The following SH3GL2 variants were observed in gnomAD, a reference collection of about 807,000 sequenced individuals.
SH3GL2 encodes the protein endophilin-A1.
Under a neutral mutation model 46.0 loss-of-function variants are expected in SH3GL2, and 24 were observed. The ratio of observed to expected loss-of-function variants is 0.52; its 90% CI spans 0.38 to 0.73. The LOEUF is 0.73. SH3GL2 is among the 30% of genes least tolerant of loss of function. The pLI, the probability that SH3GL2 is intolerant of heterozygous loss-of-function variation, is 0.00. For synonymous variants in SH3GL2, 196 were observed against 147.1 expected, an observed-to-expected ratio of 1.33 and a Z score of -2.40; for missense variants, 413 against 424.2, an observed-to-expected ratio of 0.97 and a Z score of 0.23.
chr9:17,643,346 G>A (rs1286370287), intron 1 of SH3GL2, among the ~76,000 whole-genome samples: 2 of 152,004 alleles, frequency 1.3e-5, no homozygotes, highest in African/African-American at 2.4e-5. Context: ...AATAGTTTGA[G>A]TTCTTCTCTT....
chr9:17,624,590 G>C lies in SH3GL2; in HGVS notation c.45+45303G>C, dbSNP rs182391613. On this transcript the variant is annotated intron_variant, in intron 1 of 8. Transcript: ENST00000380607. ...TTCCGTTGGTTCATAATTTACCACTGTACTCAATTTGAGCCCTCAATCAAA... is the reference window on the plus strand; with the variant it reads ...TTCCGTTGGTTCATAATTTACCACTCTACTCAATTTGAGCCCTCAATCAAA... 4.5e-4 allele frequency among the ~76,000 whole-genome samples: 69 copies of C among 152,260 alleles called. No homozygotes were observed. In the East Asian group the frequency reaches 0.012, roughly 27 times the overall value.
intron 1 of SH3GL2, among the ~76,000 whole-genome samples, chr9:17,697,223 A>G (rs562620912): frequency 1.4e-5 from 2 of 147,550 alleles, no homozygotes; most frequent in African/African-American, 5.0e-5. Context: ...GCTCAAATGC[A>G]TTTCTTTTTT....
At chr9:17,786,310 TCCTC>T in intron 3 of SH3GL2, 67 bp from the exon 4 acceptor site, 1 of 1,435,470 alleles carries the variant, frequency 7.0e-7, no homozygotes, top group East Asian at 2.3e-5. Context: ...TGAGACCTGA[TCCTC>T]CATCCAGCCC....
intron 1 of SH3GL2, among the ~76,000 whole-genome samples, chr9:17,717,111 T>G (rs1821781860): frequency 6.6e-6 from 1 of 152,062 alleles, no homozygotes; most frequent in Non-Finnish European, 1.5e-5. Context: ...AATATAAAGC[T>G]GAAGGTCTCA....
chr9:17,660,235 A>G (rs1460110973), intron 1 of SH3GL2, among the ~76,000 whole-genome samples: 2 of 152,206 alleles, frequency 1.3e-5, no homozygotes, highest in African/African-American at 2.4e-5. Context: ...TAAGCATCAG[A>G]TGATTCCACT....
At chr9:17,660,435 C>A (rs16935858) in intron 1 of SH3GL2, among the ~76,000 whole-genome samples, 1 of 152,044 alleles carries the variant, frequency 6.6e-6, no homozygotes, top group African/African-American at 2.4e-5. Flanking sequence ...GTAGCTGAGC[C>A]GGTAGACATT....
intron 1 of SH3GL2, among the ~76,000 whole-genome samples, chr9:17,645,437 C>T (rs1201405683): frequency 6.6e-6 from 1 of 151,738 alleles, no homozygotes; most frequent in Non-Finnish European, 1.5e-5. Context: ...GTTATTTTGC[C>T]CATTAGTGGA....
chr9:17,685,427 A>G (rs759453805), intron 1 of SH3GL2, among the ~76,000 whole-genome samples: 1 of 152,088 alleles, frequency 6.6e-6, no homozygotes, highest in Admixed American at 6.6e-5. Context: ...GCATATCTAC[A>G]AAATACCTTC....
chr9:17,711,340 A>G (rs995341972), intron 1 of SH3GL2, among the ~76,000 whole-genome samples: 2 of 151,860 alleles, frequency 1.3e-5, no homozygotes, highest in African/African-American at 4.8e-5. Flanking sequence ...CAGTAACTGT[A>G]CTTATTTAAA....
chr9:17,622,434 A>C (rs1345503518), intron 1 of SH3GL2, among the ~76,000 whole-genome samples: 1 of 152,210 alleles, frequency 6.6e-6, no homozygotes, highest in Non-Finnish European at 1.5e-5. Context: ...CAGCATGATT[A>C]AAAATGCTTC....
At chr9:17,679,226 A>G (rs1333357508) in intron 1 of SH3GL2, among the ~76,000 whole-genome samples, 11 of 152,170 alleles carry the variant, frequency 7.2e-5, no homozygotes, top group Non-Finnish European at 7.3e-5. Flanking sequence ...CTTGGGCAGT[A>G]TGGCTATTTT....
At position 17,793,315 on chromosome 9, in the gene SH3GL2, T is replaced by G. The variant is rs1824187231; in HGVS notation, c.729-52T>G. The G allele has an allele frequency of 2.0e-6, 3 of 1,521,258 alleles. No individual in the cohort carries two copies. In the African/African-American group the frequency reaches 4.2e-5, roughly 21 times the overall value. The allele number at this position is 1,521,258 out of a possible 1,614,324, so 94.2% of individuals were successfully genotyped here. A position where few individuals can be genotyped will look rare whatever the true frequency, so the allele number is the denominator to read the frequency against. On this transcript the variant is annotated intron_variant, in intron 7 of 8. Transcript: ENST00000380607. ...TGAATCTTTATATTTGCTTTTCATT[T>G]TACTTCTTAACTGGTTACATAACCT...
rs1247595082 is a variant in SH3GL2 at position 17,796,506 on chromosome 9, A to G, written c.*763A>G. 6.6e-6 allele frequency: 1 copy of G among 152,244 alleles called. No individual in the cohort carries two copies. Among genetic ancestry groups the G allele is most frequent in the Admixed American group, 6.5e-5 (1 of 15,284 alleles). The allele number at this position is 152,244 out of a possible 1,614,324, so 9.4% of individuals were successfully genotyped here. ...GGTATCCAAGCTTAAATTTCTTGCTATACAGAAACTATGTATGTATTTAGG... is the reference window on the plus strand; with the variant it reads ...GGTATCCAAGCTTAAATTTCTTGCTGTACAGAAACTATGTATGTATTTAGG... On this transcript the variant is annotated 3_prime_UTR_variant, in exon 9 of 9. Coordinates refer to ENST00000380607, the MANE Select transcript of SH3GL2 (RefSeq NM_003026.5).
intron 1 of SH3GL2, chr9:17,590,010 C>A (rs1818450970): frequency 6.6e-6 from 1 of 152,198 alleles, no homozygotes; most frequent in Non-Finnish European, 1.5e-5. Context: ...GTCAGTTGAG[C>A]AGCTTGGCCA....
At chr9:17,588,777 A>G (rs1055923873) in intron 1 of SH3GL2, among the ~76,000 whole-genome samples, 6 of 152,244 alleles carry the variant, frequency 3.9e-5, no homozygotes, top group African/African-American at 1.2e-4. Flanking sequence ...GAATTGTAAG[A>G]TAATAAATGG....
At chr9:17,786,689 G>A (rs960285345) in intron 4 of SH3GL2, among the ~76,000 whole-genome samples, 165 bp downstream of exon 4, 1 of 152,054 alleles carries the variant, frequency 6.6e-6, no homozygotes, top group Admixed American at 6.6e-5. Flanking sequence ...TATTTCATCC[G>A]CTCTAATGTG....
intron 1 of SH3GL2, among the ~76,000 whole-genome samples, chr9:17,682,184 G>A (rs536204200): frequency 1.2e-4 from 18 of 152,076 alleles, no homozygotes; most frequent in South Asian, 2.1e-4. Flanking sequence ...CAGAACTACC[G>A]TTTGACCCAG....
intron 1 of SH3GL2, among the ~76,000 whole-genome samples, chr9:17,719,435 T>C (rs959522552): frequency 1.3e-5 from 2 of 152,126 alleles, no homozygotes; most frequent in Admixed American, 6.5e-5. Flanking sequence ...CAGAATCTTG[T>C]CTAGAGTATA....
chr9:17,579,739 G>C lies in SH3GL2; in HGVS notation c.45+452G>C, dbSNP rs1345259993. Among the ~76,000 whole-genome samples the C allele has an allele frequency of 3.9e-5, 6 of 152,182 alleles. No individual in the cohort carries two copies. In the East Asian group the frequency reaches 1.2e-3, roughly 30 times the overall value. The stretch of plus-strand genomic sequence containing the variant: ...GCGGTGGCCGCACTGGGGGTGGCGG[G>C]GCGGAGGCCGGCGGTTTGCGCTCCT... On this transcript the variant is annotated intron_variant, in intron 1 of 8. Coordinates refer to ENST00000380607, the MANE Select transcript of SH3GL2 (RefSeq NM_003026.5).
Sources: allele counts gnomAD v4.1 joint callset (sites outside exome capture counted in the v4.1 genomes callset), GRCh38; gene constraint gnomAD v4.1.1; transcripts MANE v1.5; gene names NCBI Gene and HGNC (gene_info 2026-07-23, HGNC 2026-07-21).